SCMH1: variants seen among roughly 807,000 people sequenced by gnomAD.
The protein encoded by SCMH1 is Scm polycomb group protein homolog 1, also known as polycomb protein SCMH1.
SCMH1 carries 37 observed loss-of-function variants against 70.8 expected under a neutral mutation model. That is an observed-to-expected ratio of 0.52 (90% CI 0.40 to 0.69). The LOEUF (loss-of-function observed/expected upper bound fraction) is 0.69, where lower values mean the gene tolerates loss of function less well. Ranked by LOEUF, SCMH1 falls within the 30% of genes least tolerant of loss-of-function variation. The pLI, the probability that SCMH1 is intolerant of heterozygous loss-of-function variation, is 0.00. For synonymous variants in SCMH1, 292 were observed against 307.4 expected (o/e 0.95, Z 0.52); for missense variants, 607 against 827.3 (o/e 0.73, Z 3.27).
chr1:41,140,164 A>C (rs144555171), intron 6 of SCMH1, among the ~76,000 whole-genome samples: 6 of 152,352 alleles, frequency 3.9e-5, no homozygotes, highest in Non-Finnish European at 8.8e-5. Flanking sequence ...CTGTGTTAAC[A>C]TGGAGAACTA....
chr1:41,034,873 G>T (rs1645076265), intron 13 of SCMH1, among the ~76,000 whole-genome samples: 2 of 152,098 alleles, frequency 1.3e-5, no homozygotes, highest in African/African-American at 4.8e-5. Flanking sequence ...TCTGCCCCTT[G>T]GTAAATGAAG....
Position 41,037,356 on chromosome 1 carries a change from G to A in SCMH1, c.1678+6C>T. 6.2e-7 allele frequency: 1 copy of A among 1,613,470 alleles called. No individual in the cohort carries two copies. Among genetic ancestry groups the A allele is most frequent in the Non-Finnish European group, 8.5e-7 (1 of 1,179,666 alleles). ...GGAAGGAGGGCCAGGACTCTGGTAA[G>A]CTTACCCCTGGAGCATAGCCTGCGC... On this transcript the variant is annotated splice_donor_region_variant and intron_variant, in intron 13 of 14. Coordinates refer to ENST00000337495, the Ensembl canonical transcript of SCMH1.
intron 6 of SCMH1, among the ~76,000 whole-genome samples, chr1:41,125,923 A>G (rs750135771): frequency 6.6e-6 from 1 of 152,174 alleles, no homozygotes; most frequent in Non-Finnish European, 1.5e-5. Flanking sequence ...AATTGCTTCT[A>G]GGCCCTTTCA....
chr1:41,146,361 A>C (rs1644567374), intron 5 of SCMH1, among the ~76,000 whole-genome samples: 2 of 152,172 alleles, frequency 1.3e-5, no homozygotes, highest in Non-Finnish European at 2.9e-5. Context: ...CTCTTTACTG[A>C]AGAATGAAAA....
intron 8 of SCMH1, among the ~76,000 whole-genome samples, chr1:41,107,798 G>A (rs1035877015): frequency 2.0e-5 from 3 of 152,178 alleles, no homozygotes; most frequent in Non-Finnish European, 2.9e-5. Context: ...GATTACAGGC[G>A]TGAGCCACTG....
chr1:41,073,988 TC>T (rs1657395187), intron 9 of SCMH1, among the ~76,000 whole-genome samples: 1 of 152,016 alleles, frequency 6.6e-6, no homozygotes, highest in South Asian at 2.1e-4. Flanking sequence ...GGCAGGAGAT[TC>T]ATCAGAGAAA....
chr1:41,168,124 G>T (rs1028039146), intron 2 of SCMH1, among the ~76,000 whole-genome samples: 1 of 150,786 alleles, frequency 6.6e-6, no homozygotes, highest in Non-Finnish European at 1.5e-5. Flanking sequence ...ATCTTATTTG[G>T]TGTTCTTTGG....
chr1:41,212,005 A>G (rs760370982), intron 1 of SCMH1, among the ~76,000 whole-genome samples: 3 of 152,132 alleles, frequency 2.0e-5, no homozygotes, highest in Non-Finnish European at 4.4e-5. Context: ...ATGACACACC[A>G]GGGCCTGTTG....
chr1:41,090,852 A>G (rs1663227249), intron 8 of SCMH1, among the ~76,000 whole-genome samples: 1 of 152,032 alleles, frequency 6.6e-6, no homozygotes, highest in South Asian at 2.1e-4. Context: ...ATCCTGGCTA[A>G]CACGGTGAAA....
intron 1 of SCMH1, among the ~76,000 whole-genome samples, chr1:41,237,643 A>G (rs1472456872): frequency 6.6e-6 from 1 of 152,208 alleles, no homozygotes; most frequent in Non-Finnish European, 1.5e-5. Flanking sequence ...AACCTGTGGT[A>G]GCTATTTTTA....
At chr1:41,226,464 G>C in intron 1 of SCMH1, among the ~76,000 whole-genome samples, 1 of 152,208 alleles carries the variant, frequency 6.6e-6, no homozygotes, top group East Asian at 1.9e-4. Flanking sequence ...TAAATGTTTA[G>C]CATCCGGCAA....
At chr1:41,083,463 A>G (rs1268934422) in intron 8 of SCMH1, among the ~76,000 whole-genome samples, 5 of 152,316 alleles carry the variant, frequency 3.3e-5, no homozygotes, top group Admixed American at 2.0e-4. Context: ...CCACTGCTCA[A>G]TGAAATAAAA....
intron 13 of SCMH1, among the ~76,000 whole-genome samples, chr1:41,034,926 T>G (rs1645083186): frequency 6.6e-6 from 1 of 152,174 alleles, no homozygotes; most frequent in Non-Finnish European, 1.5e-5. Context: ...CCACCCCAAC[T>G]CCTGCTCTAA....
intron 6 of SCMH1, among the ~76,000 whole-genome samples, chr1:41,142,583 C>T (rs761238468): frequency 3.9e-5 from 6 of 152,100 alleles, no homozygotes; most frequent in South Asian, 2.1e-4. Flanking sequence ...ATAGGTTAAA[C>T]GGCAAGACCT....
At chr1:41,104,273 A>G (rs1667332868) in intron 8 of SCMH1, among the ~76,000 whole-genome samples, 1 of 152,224 alleles carries the variant, frequency 6.6e-6, no homozygotes. Flanking sequence ...ATAGGTGAAT[A>G]AAGGACGGAT....
chr1:41,108,026 C>A (rs974671240), intron 8 of SCMH1, among the ~76,000 whole-genome samples: 1 of 152,180 alleles, frequency 6.6e-6, no homozygotes, highest in Non-Finnish European at 1.5e-5. Context: ...TGTACGTGAG[C>A]CACGATGTTG....
chr1:41,059,510 T>C (rs1157161490), intron 10 of SCMH1, among the ~76,000 whole-genome samples: 2 of 152,110 alleles, frequency 1.3e-5, no homozygotes, highest in Non-Finnish European at 2.9e-5. Context: ...CCATCCCCTT[T>C]CCAGCTCCCC....
chr1:41,125,682 T>A (rs1017531261), intron 6 of SCMH1, among the ~76,000 whole-genome samples: 1 of 151,858 alleles, frequency 6.6e-6, no homozygotes, highest in Admixed American at 6.6e-5. Context: ...AAGGGGATAC[T>A]CCCACCTCAG....
At chr1:41,165,085 C>T (rs1349891451) in intron 2 of SCMH1, among the ~76,000 whole-genome samples, 3 of 152,082 alleles carry the variant, frequency 2.0e-5, no homozygotes, top group Non-Finnish European at 4.4e-5. Flanking sequence ...CACCATTCTA[C>T]TCTCTACTTC....
Sources: gnomAD v4.1 joint callset for allele counts (sites outside exome capture counted in the v4.1 genomes callset) on GRCh38, gnomAD v4.1.1 for gene constraint, MANE v1.5 for transcripts, NCBI Gene and HGNC (gene_info 2026-07-23, HGNC 2026-07-21) for gene names.